Variants in FAH observed in about 807,000 individuals in gnomAD.
FAH encodes the protein fumarylacetoacetate hydrolase.
In FAH, 47 loss-of-function variants were observed where a neutral mutation model predicts 55.8. That is an observed-to-expected ratio of 0.84 (90% confidence interval 0.67 to 1.07). The LOEUF is 1.07. Among genes scored for constraint, FAH ranks in the 50% least tolerant of loss-of-function variants. The probability of loss-of-function intolerance (pLI) is 0.00; values close to 1 mark genes in which losing one functional copy is unlikely to be tolerated. For missense variants in FAH, 495 were observed against 545.9 expected (o/e 0.91, Z 0.93); for synonymous variants, 199 against 207.7 (o/e 0.96, Z 0.36).
chr15:80,183,336 G>A (rs55639808), intron 13 of FAH, among the ~76,000 whole-genome samples: 35,586 of 152,100 alleles, frequency 0.23, 4,381 homozygotes, highest in East Asian at 0.29. Flanking sequence ...ATACAGAAGG[G>A]GACCACTGAA....
intron 13 of FAH, among the ~76,000 whole-genome samples, chr15:80,185,883 G>A (rs751845227): frequency 2.0e-5 from 3 of 152,226 alleles, no homozygotes; most frequent in Non-Finnish European, 2.9e-5. Flanking sequence ...AAGCTGTTGA[G>A]CCTTGCAGTG....
chr15:80,163,723 T>TA (rs1280681881), intron 5 of FAH: 1 of 152,240 alleles, frequency 6.6e-6, no homozygotes, highest in Admixed American at 6.5e-5. Context: ...CATTTACAAT[T>TA]AAAAATGTGT....
rs140601496 is a variant in FAH at position 80,180,579 on chromosome 15, G to A, written c.1062+354G>A. 4.8e-3 allele frequency among the ~76,000 whole-genome samples: 732 copies of A among 152,256 alleles called. 8 individuals carry two copies. Among genetic ancestry groups the A allele is most frequent in the African/African-American group, 0.017 (703 of 41,538 alleles). ...CATGCTGCTGTGCCCCTTCCCACCC[G>A]CTTGTCCCCCTGTAAGCCTGCGGGA... is the stretch of plus-strand genomic sequence containing the variant. On this transcript the variant is annotated intron_variant, in intron 12 of 13. Transcript: ENST00000561421.
chr15:80,167,220 G>A (rs2041199309), intron 5 of FAH: 1 of 152,172 alleles, frequency 6.6e-6, no homozygotes, highest in African/African-American at 2.4e-5. Flanking sequence ...CTCAGTTCTG[G>A]AGGCCATAAA....
At chr15:80,156,925 G>A (rs2041104958) in intron 1 of FAH, 2 of 152,556 alleles carry the variant, frequency 1.3e-5, no homozygotes, top group Admixed American at 6.5e-5. Flanking sequence ...TACTGGTGGT[G>A]ACTCCTTCTT....
At chr15:80,184,896 C>T (rs1375462461) in intron 13 of FAH, among the ~76,000 whole-genome samples, 3 of 152,126 alleles carry the variant, frequency 2.0e-5, no homozygotes, top group African/African-American at 4.8e-5. Context: ...AAGATATCCC[C>T]CCTTCCTGCT....
chr15:80,155,272 G>T (rs1595889140), intron 1 of FAH, among the ~76,000 whole-genome samples: 1 of 152,218 alleles, frequency 6.6e-6, no homozygotes, highest in East Asian at 1.9e-4. Context: ...CAGCCTTTGT[G>T]TAATGCTGGT....
At position 80,169,013 on chromosome 15, in the gene FAH, A is replaced by T. The variant is rs150091142; in HGVS notation, c.606+697A>T. ...TAAAAATTTTCTGACCAAAGGCTTG[A>T]AGGAACCTAATCCTGTGTTTCCTCT... On this transcript the variant is annotated intron_variant, in intron 7 of 13. Transcript: ENST00000561421. Among the ~76,000 whole-genome samples the T allele has an allele frequency of 1.4e-3, 206 of 152,340 alleles. 1 individual carries two copies. Among genetic ancestry groups the T allele is most frequent in the African/African-American group, 4.7e-3 (196 of 41,580 alleles).
At position 80,174,953 on chromosome 15, in the gene FAH, G is replaced by A. The variant is rs1391734359; in HGVS notation, c.838-63G>A. 6 of 1,440,904 alleles carry A rather than the reference G, an allele frequency of 4.2e-6. No individual in the cohort carries two copies. In the African/African-American group the frequency reaches 7.0e-5, roughly 17 times the overall value. 89.3% of individuals were successfully genotyped at this position (1,440,904 alleles called of 1,614,324 possible). ...CTGCTGGGGGCCTGGCTGGTATGGG[G>A]GCCCAGCCGGGTGAGCTCAGCCCAC... On this transcript the variant is annotated intron_variant, in intron 9 of 13. Coordinates refer to ENST00000561421, the MANE Select transcript of FAH (RefSeq NM_000137.4).
At chr15:80,179,565 C>T (rs1460388876) in intron 11 of FAH, among the ~76,000 whole-genome samples, 1 of 152,090 alleles carries the variant, frequency 6.6e-6, no homozygotes, top group Non-Finnish European at 1.5e-5. Flanking sequence ...CCTTGGCCCC[C>T]TCTGCCCACA....
chr15:80,186,137 C>T lies in FAH; in HGVS notation c.1188C>T (p.Cys396=), dbSNP rs746752457. The T allele has an allele frequency of 1.0e-4, 162 of 1,613,890 alleles. No homozygotes were observed. Among genetic ancestry groups the T allele is most frequent in the Non-Finnish European group, 1.3e-4 (159 of 1,179,872 alleles). ...DGDEVIITGY[C]QGDGYRIGFG... The stretch of plus-strand genomic sequence containing the variant: ...TGTCCTCCTCTGTTCCAGGGTACTG[C>T]CAGGGGGATGGTTACCGCATCGGCT... Residue 396 remains cysteine (C), a synonymous_variant, in exon 14 of 14, where the codon TGC becomes TGT. Transcript: ENST00000561421.
chr15:80,181,116 G>C lies in FAH; in HGVS notation c.1137G>C (p.Gln379His), dbSNP rs373176282. 1 of 1,613,786 alleles carries C rather than the reference G, an allele frequency of 6.2e-7. No individual in the cohort carries two copies. The highest frequency in any genetic ancestry group is 1.3e-5 in the African/African-American group (1 of 74,940). The change falls in exon 13 of 14, where the codon CAG becomes CAC. Residue 379 changes from glutamine to histidine, a missense_variant. Physicochemically the swap from Gln to His is conservative, Grantham distance 24. Coordinates refer to ENST00000561421, the MANE Select transcript of FAH (RefSeq NM_000137.4). ...GTKPIDLGNGQTRKFLLDGDE... is the reference protein window; with the variant it reads ...GTKPIDLGNGHTRKFLLDGDE... ...AGCCCATAGACCTGGGGAATGGTCA[G>C]ACCAGGAAGTTTCTGCTGGACGGGG...
At position 80,153,020 on chromosome 15, in the gene FAH, C is replaced by G; in HGVS notation, c.-35C>G. ...GTTCAGTCCTGCTCTCCGCACGCCA[C>G]CTTAGGCCCGCAGCCGTGCCGGGTG... On this transcript the variant is annotated 5_prime_UTR_variant, in exon 1 of 14. Coordinates refer to ENST00000561421, the MANE Select transcript of FAH (RefSeq NM_000137.4). The G allele has an allele frequency of 1.3e-6, 2 of 1,598,928 alleles. No individual in the cohort carries two copies. Among genetic ancestry groups the G allele is most frequent in the Admixed American group, 3.3e-5 (2 of 60,030 alleles).
intron 9 of FAH, among the ~76,000 whole-genome samples, chr15:80,174,187 G>A (rs1255886433): frequency 6.6e-6 from 1 of 152,072 alleles, no homozygotes; most frequent in South Asian, 2.1e-4. Flanking sequence ...AGCTGGCAGC[G>A]GCCTTGTCTA....
chr15:80,172,365 TGA>T (rs2041248822), intron 8 of FAH, 117 bp downstream of exon 8: 3 of 760,510 alleles, frequency 3.9e-6, no homozygotes, highest in Non-Finnish European at 6.9e-6. Flanking sequence ...ATGCAGTGAC[TGA>T]GAGTGGGGGT....
At chr15:80,168,526 T>C in intron 7 of FAH, 3 of 607,798 alleles carry the variant, frequency 4.9e-6, no homozygotes, top group Non-Finnish European at 8.8e-6. Flanking sequence ...TACTTGCTAA[T>C]ATTTATTTGT....
At chr15:80,177,437 T>G in intron 10 of FAH, 100 bp from the exon 11 acceptor site, 1 of 1,072,330 alleles carries the variant, frequency 9.3e-7, no homozygotes, top group East Asian at 2.4e-5. Context: ...GAAATCATGT[T>G]GGACAATGGG....
intron 10 of FAH, among the ~76,000 whole-genome samples, chr15:80,176,119 C>T (rs555379104): frequency 2.6e-5 from 4 of 152,134 alleles, no homozygotes; most frequent in Middle Eastern, 3.4e-3. Flanking sequence ...TGGGTTCAAG[C>T]GAGTCTTCTG....
Position 80,181,112 on chromosome 15 carries a change from G to A in FAH, c.1133G>A (p.Gly378Asp), listed in dbSNP as rs1422082549. The A allele has an allele frequency of 1.2e-6, 2 of 1,613,832 alleles. No homozygotes were observed. Among genetic ancestry groups the A allele is most frequent in the African/African-American group, 1.3e-5 (1 of 74,938 alleles). ...KGTKPIDLGN[G>D]QTRKFLLDGD... ...ACGAAGCCCATAGACCTGGGGAATG[G>A]TCAGACCAGGAAGTTTCTGCTGGAC... Residue 378 changes from glycine (G) to aspartate (D), a missense_variant, in exon 13 of 14, where the codon GGT (glycine) becomes GAT (aspartate). Coordinates refer to ENST00000561421, the MANE Select transcript of FAH (RefSeq NM_000137.4).
Sources: gnomAD v4.1 joint callset for allele counts (sites outside exome capture counted in the v4.1 genomes callset) on GRCh38, gnomAD v4.1.1 for gene constraint, MANE v1.5 for transcripts, NCBI Gene and HGNC (gene_info 2026-07-23, HGNC 2026-07-21) for gene names.